Variants in WWOX observed in about 807,000 individuals in gnomAD.
WWOX encodes the protein WW domain containing oxidoreductase, also known as WW domain-containing oxidoreductase.
WWOX carries 69 observed loss-of-function variants against 46.2 expected under a neutral mutation model. The ratio of observed to expected loss-of-function variants is 1.49; its 90% CI spans 1.23 to 1.82. The LOEUF is 1.82. Among genes scored for constraint, WWOX ranks in the 40% most tolerant of loss-of-function variants. WWOX has a pLI of 0.00. For missense variants in WWOX, 919 were observed against 542.6 expected (o/e 1.69, Z -6.89); for synonymous variants, 359 against 202.6 (o/e 1.77, Z -6.56).
At chr16:78,522,270 A>C (rs1363566615) in intron 8 of WWOX, among the ~76,000 whole-genome samples, 2 of 150,336 alleles carry the variant, frequency 1.3e-5, no homozygotes, top group African/African-American at 4.9e-5. Flanking sequence ...GTTAGGATTA[A>C]AAAAAAAAAC....
intron 5 of WWOX, among the ~76,000 whole-genome samples, chr16:78,386,595 T>C (rs1046752940): frequency 3.2e-4 from 49 of 152,030 alleles, no homozygotes; most frequent in Non-Finnish European, 2.9e-5. Flanking sequence ...TGCAGCCTCT[T>C]TTGCGCGGCT....
At position 79,212,172 on chromosome 16, in the gene WWOX, A is replaced by T. The variant is rs1398919768; in HGVS notation, c.*376A>T. 6.8e-7 allele frequency: 1 copy of T among 1,481,044 alleles called. No homozygotes were observed. The highest frequency in any genetic ancestry group is 2.3e-5 in the Admixed American group (1 of 43,434). The allele number at this position is 1,481,044 out of a possible 1,614,324, so 91.7% of individuals were successfully genotyped here. A position where few individuals can be genotyped will look rare whatever the true frequency, so the allele number is the denominator to read the frequency against. On this transcript the variant is annotated 3_prime_UTR_variant, in exon 9 of 9. Transcript: ENST00000566780. ...CCATCCAGCTACCACCACGGCCACC[A>T]CTGCAGCCGGGGGCTGGCCTTCTCC...
chr16:79,038,537 C>G (rs1321332846), intron 8 of WWOX, among the ~76,000 whole-genome samples: 2 of 152,112 alleles, frequency 1.3e-5, no homozygotes, highest in Non-Finnish European at 2.9e-5. Flanking sequence ...TCAGAGTTTT[C>G]TGACAAAGAA....
intron 8 of WWOX, among the ~76,000 whole-genome samples, chr16:78,612,045 T>C (rs2045913055): frequency 6.6e-6 from 1 of 152,214 alleles, no homozygotes; most frequent in African/African-American, 2.4e-5. Flanking sequence ...GCAAGTTGGA[T>C]CCTGGTGTGC....
At chr16:78,130,957 C>T (rs563835880) in intron 4 of WWOX, among the ~76,000 whole-genome samples, 1 of 152,306 alleles carries the variant, frequency 6.6e-6, no homozygotes, top group East Asian at 1.9e-4. Context: ...ACCCATTATA[C>T]ACAGAGGCTG....
At position 79,049,926 on chromosome 16, in the gene WWOX, T is replaced by C. The variant is rs538628181; in HGVS notation, c.1057-161682T>C. On this transcript the variant is annotated intron_variant, in intron 8 of 8. Coordinates refer to ENST00000566780, the MANE Select transcript of WWOX (RefSeq NM_016373.4). ...AGAAGGACATGGAGTGGTAAAAGCA[T>C]GTGGTTCCATTAAGGGAAAGACTCC... 9.2e-4 allele frequency among the ~76,000 whole-genome samples: 138 copies of C among 150,664 alleles called. No individual in the cohort carries two copies. In the Middle Eastern group the frequency reaches 0.014, roughly 15 times the overall value.
chr16:78,140,360 C>A (rs1345965194), intron 4 of WWOX, among the ~76,000 whole-genome samples: 1 of 152,138 alleles, frequency 6.6e-6, no homozygotes, highest in Admixed American at 6.5e-5. Flanking sequence ...TTAGCCTTTT[C>A]TGCTGTGGTA....
chr16:78,362,133 A>G (rs1445563827), intron 5 of WWOX, among the ~76,000 whole-genome samples: 1 of 151,910 alleles, frequency 6.6e-6, no homozygotes, highest in Non-Finnish European at 1.5e-5. Flanking sequence ...CGGTGGCCAT[A>G]GGCTGGTGAG....
At chr16:78,356,486 G>A (rs561649194) in intron 5 of WWOX, among the ~76,000 whole-genome samples, 6 of 152,150 alleles carry the variant, frequency 3.9e-5, no homozygotes, top group Non-Finnish European at 8.8e-5. Context: ...CTAGTTTGTT[G>A]TAAGTCGCCT....
intron 8 of WWOX, among the ~76,000 whole-genome samples, chr16:79,095,756 C>G (rs182467055): frequency 8.3e-4 from 126 of 152,066 alleles, no homozygotes; most frequent in Middle Eastern, 3.4e-3. Context: ...AGGGACAAAC[C>G]TCACAAATAG....
intron 5 of WWOX, among the ~76,000 whole-genome samples, chr16:78,386,560 A>G (rs994596411): frequency 2.0e-5 from 3 of 152,100 alleles, no homozygotes; most frequent in Non-Finnish European, 4.4e-5. Flanking sequence ...GATTGAGAGG[A>G]GATAACGTTA....
chr16:78,948,449 A>G (rs2045991574), intron 8 of WWOX, among the ~76,000 whole-genome samples: 1 of 152,172 alleles, frequency 6.6e-6, no homozygotes. Flanking sequence ...TGAGTGAGCC[A>G]GAGGTCTGTC....
intron 5 of WWOX, among the ~76,000 whole-genome samples, chr16:78,196,019 A>C (rs1046016741): frequency 6.6e-6 from 1 of 152,180 alleles, no homozygotes; most frequent in Non-Finnish European, 1.5e-5. Flanking sequence ...TCCTTCTATT[A>C]GAGAAGAATG....
intron 8 of WWOX, among the ~76,000 whole-genome samples, chr16:78,945,748 A>C (rs1049093192): frequency 2.0e-5 from 3 of 151,556 alleles, no homozygotes; most frequent in African/African-American, 7.3e-5. Context: ...GGTTCCTGCA[A>C]ATTGTTTTTA....
chr16:78,491,248 G>C (rs2667582), intron 8 of WWOX, among the ~76,000 whole-genome samples: 114,290 of 152,104 alleles, frequency 0.75, 44,979 homozygotes, highest in Admixed American at 0.87. Context: ...TCAGTCAGCT[G>C]CTACACCATG....
chr16:78,979,786 C>A (rs191524085), intron 8 of WWOX, among the ~76,000 whole-genome samples: 1 of 152,246 alleles, frequency 6.6e-6, no homozygotes, highest in Non-Finnish European at 1.5e-5. Flanking sequence ...GAAAACTGCA[C>A]TGCATTTATC....
intron 3 of WWOX, among the ~76,000 whole-genome samples, chr16:78,113,573 C>G (rs904309350): frequency 2.0e-5 from 3 of 152,144 alleles, no homozygotes; most frequent in Admixed American, 1.3e-4. Flanking sequence ...CTGGCTAGTT[C>G]TCACTTTTCT....
chr16:78,945,293 G>T (rs1026861870), intron 8 of WWOX, among the ~76,000 whole-genome samples: 3 of 152,146 alleles, frequency 2.0e-5, no homozygotes, highest in African/African-American at 7.2e-5. Flanking sequence ...TATCAAGCAC[G>T]ATTTGAGTTG....
chr16:79,100,725 C>T (rs1380962158), intron 8 of WWOX, among the ~76,000 whole-genome samples: 1 of 152,116 alleles, frequency 6.6e-6, no homozygotes, highest in Non-Finnish European at 1.5e-5. Context: ...TTGGCGTCAC[C>T]AGGCTGCAAT....
Sources: allele counts gnomAD v4.1 joint callset (sites outside exome capture counted in the v4.1 genomes callset), GRCh38; gene constraint gnomAD v4.1.1; transcripts MANE v1.5; gene names NCBI Gene and HGNC (gene_info 2026-07-23, HGNC 2026-07-21).